The following ZNF385A variants were observed in gnomAD, a reference collection of about 807,000 sequenced individuals.
ZNF385A encodes the protein hematopoietic zinc finger protein.
Under a neutral mutation model 32.1 loss-of-function variants are expected in ZNF385A, and 14 were observed. The observed-to-expected ratio is 0.44, with a 90% CI of 0.29 to 0.68. The LOEUF is 0.68. Ranked by LOEUF, ZNF385A falls within the 30% of genes least tolerant of loss-of-function variation. ZNF385A has a pLI of 0.14. For missense variants in ZNF385A, 406 were observed against 478.4 expected (o/e 0.85, Z 1.41); for synonymous variants, 197 against 202.7 (o/e 0.97, Z 0.24).
chr12:54,384,427 C>T lies in ZNF385A; in HGVS notation c.87+1G>A, dbSNP rs150846364. On this transcript the variant is annotated splice_donor_variant, in intron 1 of 6. Transcript: ENST00000394313. LOFTEE classifies it high-confidence loss of function. ...GAGAAGGCAGGCAGGCTGCTACTTA[C>T]GGTGCTGTAGTTGCTGAAGAGGCCA... 17 of 1,581,474 alleles carry T rather than the reference C, an allele frequency of 1.1e-5. No homozygotes were observed. The highest frequency in any genetic ancestry group is 5.4e-5 in the African/African-American group (4 of 73,986).
intron 1 of ZNF385A, among the ~76,000 whole-genome samples, chr12:54,382,201 G>A (rs1468809136): frequency 6.6e-6 from 1 of 151,286 alleles, no homozygotes; most frequent in Non-Finnish European, 1.5e-5. Context: ...CGGAGTAGCT[G>A]GGAGTACAGG....
chr12:54,381,896 A>C (rs1288661135), intron 1 of ZNF385A, among the ~76,000 whole-genome samples: 1 of 152,042 alleles, frequency 6.6e-6, no homozygotes, highest in Non-Finnish European at 1.5e-5. Flanking sequence ...ATGCAAGCAA[A>C]ATGCCTCTGA....
intron 1 of ZNF385A, among the ~76,000 whole-genome samples, chr12:54,382,229 G>A (rs111630788): frequency 1.4e-3 from 146 of 107,518 alleles, no homozygotes; most frequent in African/African-American, 4.1e-3. Context: ...CACCACGCCC[G>A]GCTAGTTTTT....
upstream of ZNF385A, among the ~76,000 whole-genome samples, chr12:54,389,230 G>A (rs1379984577): frequency 6.6e-6 from 1 of 152,178 alleles, no homozygotes; most frequent in Admixed American, 6.5e-5. Flanking sequence ...AGGCTGGCTG[G>A]GTGTCACATG....
At chr12:54,374,211 G>A in intron 2 of ZNF385A, 76 bp from the exon 3 acceptor site, 2 of 1,357,204 alleles carry the variant, frequency 1.5e-6, no homozygotes, top group Non-Finnish European at 1.9e-6. Context: ...GCTCCCTCAA[G>A]TCCTGGGGTG....
At chr12:54,374,889 A>T (rs1229222788) in intron 2 of ZNF385A, among the ~76,000 whole-genome samples, 1 of 152,150 alleles carries the variant, frequency 6.6e-6, no homozygotes, top group African/African-American at 2.4e-5. Flanking sequence ...ATGCTGGGTT[A>T]GTCCTGTCTT....
chr12:54,382,230 G>A (rs927442229), intron 1 of ZNF385A, among the ~76,000 whole-genome samples: 4 of 104,318 alleles, frequency 3.8e-5, no homozygotes, highest in Admixed American at 3.6e-4. Context: ...ACCACGCCCG[G>A]CTAGTTTTTT....
intron 3 of ZNF385A, among the ~76,000 whole-genome samples, chr12:54,372,611 T>C (rs1458542253): frequency 6.6e-6 from 1 of 152,210 alleles, no homozygotes; most frequent in Non-Finnish European, 1.5e-5. Flanking sequence ...TTAAATGAGG[T>C]AATATGTGTA....
upstream of ZNF385A, chr12:54,384,994 T>A: frequency 1.3e-6 from 1 of 759,298 alleles, no homozygotes; most frequent in Non-Finnish European, 1.6e-6. Flanking sequence ...GTCAAGTGGG[T>A]GATTCATCCT....
At chr12:54,377,875 G>A (rs1011398056) in intron 1 of ZNF385A, among the ~76,000 whole-genome samples, 1 of 152,156 alleles carries the variant, frequency 6.6e-6, no homozygotes, top group Non-Finnish European at 1.5e-5. Flanking sequence ...TGGGATGGAA[G>A]GGGGAAGCAG....
At chr12:54,390,507 G>A (rs1173031802) in intron 1 of ZNF385A, among the ~76,000 whole-genome samples, 2 of 152,092 alleles carry the variant, frequency 1.3e-5, no homozygotes, top group Non-Finnish European at 2.9e-5. Context: ...GAAGAAGGAA[G>A]TGAGGAAAGA....
At chr12:54,380,973 G>A (rs1270965523) in intron 1 of ZNF385A, among the ~76,000 whole-genome samples, 2 of 151,928 alleles carry the variant, frequency 1.3e-5, no homozygotes, top group Non-Finnish European at 2.9e-5. Context: ...TGAGTCGGGC[G>A]GATCACAAGG....
At chr12:54,390,090 C>A (rs1410847144) in intron 1 of ZNF385A, among the ~76,000 whole-genome samples, 1 of 152,126 alleles carries the variant, frequency 6.6e-6, no homozygotes, top group Non-Finnish European at 1.5e-5. Context: ...GGGATGAGTG[C>A]AGGAGCCAGT....
chr12:54,373,704 A>C (rs978601268), intron 3 of ZNF385A, among the ~76,000 whole-genome samples: 1 of 152,190 alleles, frequency 6.6e-6, no homozygotes, highest in Admixed American at 6.5e-5. Flanking sequence ...GATGTTTGCC[A>C]GGTGGCCTCA....
intron 1 of ZNF385A, chr12:54,391,198 C>T (rs1204998003): frequency 1.4e-6 from 2 of 1,478,140 alleles, no homozygotes; most frequent in Non-Finnish European, 9.0e-7. Context: ...GAGAGGAACC[C>T]AGGAGCCGGG....
intron 1 of ZNF385A, chr12:54,378,922 C>T (rs1954982758): frequency 5.3e-6 from 2 of 377,442 alleles, no homozygotes; most frequent in Non-Finnish European, 7.3e-6. Context: ...GTTAGGGCCG[C>T]GCCGATGTGG....
chr12:54,373,315 A>G (rs915776467), intron 3 of ZNF385A, among the ~76,000 whole-genome samples: 1 of 152,118 alleles, frequency 6.6e-6, no homozygotes, highest in South Asian at 2.1e-4. Flanking sequence ...CCGATGTGGT[A>G]ATCCCAGGAT....
At chr12:54,371,780 A>G in intron 3 of ZNF385A, 65 bp from the exon 4 acceptor site, 1 of 1,590,682 alleles carries the variant, frequency 6.3e-7, no homozygotes, top group Non-Finnish European at 8.5e-7. Context: ...CTTCATGTGG[A>G]AGAGACCCCC....
At chr12:54,386,565 G>C (rs1955492280), upstream of ZNF385A, among the ~76,000 whole-genome samples, 1 of 152,082 alleles carries the variant, frequency 6.6e-6, no homozygotes, top group Non-Finnish European at 1.5e-5. Flanking sequence ...TGTTACCCAA[G>C]GCCAGGGCAG....
Sources: allele counts gnomAD v4.1 joint callset (sites outside exome capture counted in the v4.1 genomes callset), GRCh38; gene constraint gnomAD v4.1.1; transcripts MANE v1.5; gene names NCBI Gene and HGNC (gene_info 2026-07-23, HGNC 2026-07-21).